CACNA2D4: variants seen among roughly 807,000 people sequenced by gnomAD.
CACNA2D4 encodes the protein calcium voltage-gated channel auxiliary subunit alpha2delta 4, also known as voltage-dependent calcium channel subunit alpha-2/delta-4.
A neutral mutation model predicts 163.8 loss-of-function variants in CACNA2D4; 157 were observed. The ratio of observed to expected loss-of-function variants is 0.96; its 90% CI spans 0.84 to 1.09. The LOEUF (loss-of-function observed/expected upper bound fraction) is 1.09, where lower values mean the gene tolerates loss of function less well. CACNA2D4 is among the 50% of genes least tolerant of loss of function. The probability of loss-of-function intolerance (pLI) is 0.00; values close to 1 mark genes in which losing one functional copy is unlikely to be tolerated. For synonymous variants in CACNA2D4, 598 were observed against 586.9 expected, an observed-to-expected ratio of 1.02 and a Z score of -0.27; for missense variants, 1,410 against 1,479.9, an observed-to-expected ratio of 0.95 and a Z score of 0.78.
chr12:1,884,719 T>C (rs2154449739), intron 11 of CACNA2D4, 49 bp downstream of exon 11: 3 of 1,249,476 alleles, frequency 2.4e-6, no homozygotes, highest in East Asian at 2.4e-5. Flanking sequence ...ATCCCATCCA[T>C]GGCAGCAGGA....
At position 1,859,653 on chromosome 12, in the gene CACNA2D4, A is replaced by G. The variant is rs527578551; in HGVS notation, c.1940+492T>C. 4.6e-5 allele frequency among the ~76,000 whole-genome samples: 7 copies of G among 152,350 alleles called. No homozygotes were observed. In the East Asian group the frequency reaches 1.4e-3, roughly 29 times the overall value. On this transcript the variant is annotated intron_variant, in intron 19 of 37. Transcript: ENST00000382722. ...CAGCAGTTATTGTCACCCCCATTTT[A>G]CAGATCGAAATCTAAGGCACAGAGA...
intron 35 of CACNA2D4, 145 bp downstream of exon 35, chr12:1,797,273 G>A (rs2154445080): frequency 1.5e-6 from 1 of 659,958 alleles, no homozygotes; most frequent in Non-Finnish European, 2.7e-6. Flanking sequence ...GAAGACCCCG[G>A]GAGCGTGGGC....
At chr12:1,887,119 G>C in intron 6 of CACNA2D4, 50 bp from the exon 7 acceptor site, 1 of 1,346,978 alleles carries the variant, frequency 7.4e-7, no homozygotes, top group South Asian at 1.2e-5. Flanking sequence ...GGCCACCCCA[G>C]ATCCCCTGGC....
Position 1,879,904 on chromosome 12 carries a change from G to T in CACNA2D4, c.1486-23C>A, listed in dbSNP as rs781153205. On this transcript the variant is annotated intron_variant, in intron 13 of 37. Transcript: ENST00000382722. ...GAGCTGTAAGGGAGGGGAGAACAGG[G>T]GTCAGAAGGTGCGGCCTAGGGCCAC... 32 of 1,564,774 alleles carry T rather than the reference G, an allele frequency of 2.0e-5. 1 individual carries two copies. Among genetic ancestry groups the T allele is most frequent in the Admixed American group, 1.7e-4 (9 of 54,144 alleles).
chr12:1,825,052 A>G lies in CACNA2D4; in HGVS notation c.2552-13329T>C, dbSNP rs1864259758. ...CATTTCTCTAAACAATACCAGGATC[A>G]ACAGTGTCCTGCCACCTTGCAAGAC... On this transcript the variant is annotated intron_variant, in intron 26 of 37. Coordinates refer to ENST00000382722, the MANE Select transcript of CACNA2D4 (RefSeq NM_172364.5). 3.9e-5 allele frequency among the ~76,000 whole-genome samples: 6 copies of G among 152,336 alleles called. No individual in the cohort carries two copies. In the South Asian group the frequency reaches 1.2e-3, roughly 32 times the overall value.
Position 1,885,082 on chromosome 12 carries a change from A to G in CACNA2D4, c.1069-6T>C, listed in dbSNP as rs1309061986. 3.1e-6 allele frequency: 5 copies of G among 1,611,692 alleles called. No individual in the cohort carries two copies. In the East Asian group the frequency reaches 1.1e-4, roughly 36 times the overall value. Reference sequence around the variant, plus strand: ...TCCACCAGCAGTTTGAAATGCTGCCATGGGTGAGATATTAGAGAAGCATCA... The same window carrying G: ...TCCACCAGCAGTTTGAAATGCTGCCGTGGGTGAGATATTAGAGAAGCATCA... On this transcript the variant is annotated splice_polypyrimidine_tract_variant and splice_region_variant and intron_variant, in intron 9 of 37. Transcript: ENST00000382722.
chr12:1,812,101 C>A (rs1428726549), intron 26 of CACNA2D4, among the ~76,000 whole-genome samples: 3 of 152,302 alleles, frequency 2.0e-5, no homozygotes, highest in East Asian at 1.9e-4. Flanking sequence ...AGAGACCCAC[C>A]CTTTTGACCA....
rs1319403638 is a variant in CACNA2D4, at chr12:1,894,595, C to T, written c.782-7526G>A. Among the ~76,000 whole-genome samples, 3 of 141,360 alleles carry T rather than the reference C, an allele frequency of 2.1e-5. No homozygotes were observed. The Admixed American group carries it at 2.2e-4, about 10-fold the overall frequency. 92.7% of individuals were successfully genotyped at this position (141,360 alleles called of 152,430 possible). A position where few individuals can be genotyped will look rare whatever the true frequency, so the allele number is the denominator to read the frequency against. ...CAAGGATGGTTCAACATATGCAAAT[C>T]AATAAAAGTAATATATGACATCAAA... On this transcript the variant is annotated intron_variant, in intron 6 of 37. Transcript: ENST00000382722.
chr12:1,914,885 GTCA>G lies in CACNA2D4; in HGVS notation c.275_277del (p.Val92_Thr93delinsAla), dbSNP rs750767590. ...CAGCAAGAGAGAGCCTGAGTATTTG[GTCA>G]CAGTGTTATACAGGTCCCCGCCGAA... is the stretch of plus-strand genomic sequence containing the variant. On this transcript the variant is annotated inframe_deletion, in exon 2 of 38. Transcript: ENST00000382722. The G allele has an allele frequency of 1.9e-6, 3 of 1,613,808 alleles. No individual in the cohort carries two copies. Among genetic ancestry groups the G allele is most frequent in the Non-Finnish European group, 2.5e-6 (3 of 1,179,756 alleles).
rs187255614 is a variant in CACNA2D4, at chr12:1,866,843, G to A, written c.1879-6637C>T. On this transcript the variant is annotated intron_variant, in intron 18 of 37. Transcript: ENST00000382722. ...AGATGGGGTCTCCCTATGTTGTCCA[G>A]GCTGGTCACGAACTCCTGGGCTCAA... 4.7e-5 allele frequency among the ~76,000 whole-genome samples: 7 copies of A among 148,064 alleles called. No individual in the cohort carries two copies. In the East Asian group the frequency reaches 1.4e-3, roughly 29 times the overall value.
chr12:1,805,300 G>A (rs1056597240), intron 29 of CACNA2D4, among the ~76,000 whole-genome samples: 8 of 152,150 alleles, frequency 5.3e-5, no homozygotes, highest in Non-Finnish European at 1.2e-4. Context: ...AGTGATGAGA[G>A]GTTGGGTAGT....
chr12:1,825,531 G>A (rs1864277989), intron 26 of CACNA2D4, among the ~76,000 whole-genome samples: 1 of 152,240 alleles, frequency 6.6e-6, no homozygotes, highest in African/African-American at 2.4e-5. Flanking sequence ...GGAACTTAGA[G>A]GCATCTCACT....
chr12:1,884,938 G>C (rs752760214), intron 10 of CACNA2D4, 49 bp downstream of exon 10: 3 of 1,598,724 alleles, frequency 1.9e-6, no homozygotes, highest in Non-Finnish European at 2.6e-6. Flanking sequence ...CCCTCCACCT[G>C]CCGCCTTCCT....
chr12:1,804,150 TGTGTGTGTGTGTGTCCCCTCC>T (rs977561891), intron 29 of CACNA2D4, among the ~76,000 whole-genome samples: 8 of 151,856 alleles, frequency 5.3e-5, no homozygotes, highest in African/African-American at 1.9e-4. Flanking sequence ...TGTGTGTGTG[TGTGTGTGTGTGTGTCCCCTCC>T]GTCACCCCCT....
chr12:1,856,142 A>T, intron 21 of CACNA2D4, 33 bp from the exon 22 acceptor site: 1 of 1,613,808 alleles, frequency 6.2e-7, no homozygotes, highest in Non-Finnish European at 8.5e-7. Context: ...TTATCTCAAA[A>T]CATTCCACCT....
rs552983585 is a variant in CACNA2D4, at chr12:1,833,966, G to A, written c.2551+6773C>T. On this transcript the variant is annotated intron_variant, in intron 26 of 37. Coordinates refer to ENST00000382722, the MANE Select transcript of CACNA2D4 (RefSeq NM_172364.5). The surrounding 1 kb of genome is among the most constrained non-coding windows in gnomAD (Gnocchi z 4.2). Reference sequence around the variant, plus strand: ...CTGTGGGTCCGTTTGGCCTGGGAGAGGACAGGCCGGATGGAAGTGGCTGCG... The same window carrying A: ...CTGTGGGTCCGTTTGGCCTGGGAGAAGACAGGCCGGATGGAAGTGGCTGCG... Among the ~76,000 whole-genome samples the A allele has an allele frequency of 6.6e-6, 1 of 152,314 alleles. No homozygotes were observed. Among genetic ancestry groups the A allele is most frequent in the East Asian group, 1.9e-4 (1 of 5,178 alleles).
intron 6 of CACNA2D4, 83 bp from the exon 7 acceptor site, chr12:1,887,152 C>T (rs992443500): frequency 1.7e-5 from 15 of 906,928 alleles, no homozygotes; most frequent in Non-Finnish European, 2.1e-5. Context: ...CCCAAGATGG[C>T]CATGATCCCC....
chr12:1,861,014 CA>C (rs1865514138), intron 18 of CACNA2D4, among the ~76,000 whole-genome samples: 1 of 152,206 alleles, frequency 6.6e-6, no homozygotes, highest in African/African-American at 2.4e-5. Context: ...CGTGAGGGTG[CA>C]TTCGGGGTGC....
Position 1,844,934 on chromosome 12 carries a change from A to T in CACNA2D4, c.2343-405T>A, listed in dbSNP as rs752771122. ...CCCCCCAAATGGTTCCTTCAACAGG[A>T]TTGCCTCTAGGTTTTTGCATACATT... On this transcript the variant is annotated intron_variant, in intron 24 of 37. Transcript: ENST00000382722. This position sits in a 1 kb window ranked among gnomAD's most constrained non-coding sequence, Gnocchi z 4.2. 6.6e-6 allele frequency among the ~76,000 whole-genome samples: 1 copy of T among 152,128 alleles called. No homozygotes were observed. Among genetic ancestry groups the T allele is most frequent in the Non-Finnish European group, 1.5e-5 (1 of 68,030 alleles).
Sources: allele counts gnomAD v4.1 joint callset (sites outside exome capture counted in the v4.1 genomes callset), GRCh38; gene constraint gnomAD v4.1.1; non-coding constraint Gnocchi (gnomAD v3.1); transcripts MANE v1.5; gene names NCBI Gene and HGNC (gene_info 2026-07-23, HGNC 2026-07-21).